PRKG1: variants seen among roughly 807,000 people sequenced by gnomAD.
The protein encoded by PRKG1 is protein kinase cGMP-dependent 1, also known as cGMP-dependent protein kinase 1.
In PRKG1, 35 loss-of-function variants were observed where a neutral mutation model predicts 88.1. That is an observed-to-expected ratio of 0.40 (90% CI 0.30 to 0.53). The LOEUF (loss-of-function observed/expected upper bound fraction) is 0.53. Ranked by LOEUF, PRKG1 falls within the 20% of genes least tolerant of loss-of-function variation. The pLI is 0.59. For missense variants in PRKG1, 540 were observed against 839.8 expected (o/e 0.64, Z 4.41); for synonymous variants, 303 against 292.5 (o/e 1.04, Z -0.37).
At chr10:51,942,415 T>C (rs1005342434) in intron 5 of PRKG1, among the ~76,000 whole-genome samples, 95 of 150,590 alleles carry the variant, frequency 6.3e-4, no homozygotes, top group African/African-American at 2.2e-3. Flanking sequence ...CTGTTCACTC[T>C]GATGGTAGTT....
In PRKG1 at chr10:51,365,229, C is replaced by T. The variant is rs534605621; in HGVS notation, c.479-102494C>T. On this transcript the variant is annotated intron_variant, in intron 2 of 17. Coordinates refer to ENST00000373980, the MANE Select transcript of PRKG1 (RefSeq NM_006258.4). ...TTGTCACTATCATCATCATCTTCTT[C>T]GTCTTGTTTTCACCACTCATCATCA... Among the ~76,000 whole-genome samples the T allele has an allele frequency of 3.9e-5, 6 of 151,962 alleles. No individual in the cohort carries two copies. In the South Asian group the frequency reaches 1.0e-3, roughly 26 times the overall value.
At chr10:52,006,611 C>T (rs1156739912) in intron 5 of PRKG1, among the ~76,000 whole-genome samples, 2 of 152,100 alleles carry the variant, frequency 1.3e-5, no homozygotes, top group African/African-American at 4.8e-5. Flanking sequence ...AACAAATCCT[C>T]CAAGAAATAT....
intron 7 of PRKG1, among the ~76,000 whole-genome samples, chr10:52,100,123 G>A (rs1050024151): frequency 1.3e-5 from 2 of 152,132 alleles, no homozygotes; most frequent in Non-Finnish European, 2.9e-5. Context: ...GTGAGGGGTA[G>A]GGATTCCTGT....
chr10:51,258,371 C>T (rs1036931286), intron 2 of PRKG1, among the ~76,000 whole-genome samples: 1 of 152,200 alleles, frequency 6.6e-6, no homozygotes, highest in African/African-American at 2.4e-5. Context: ...GAAGAGACAA[C>T]ATCCTAAATA....
rs1001773816 is a variant in PRKG1, at chr10:52,244,757, A to T, written c.1077-6813A>T. Among the ~76,000 whole-genome samples, 14 of 142,940 alleles carry T rather than the reference A, an allele frequency of 9.8e-5. No individual in the cohort carries two copies. In the East Asian group the frequency reaches 1.2e-3, roughly 12 times the overall value. 93.8% of individuals were successfully genotyped at this position (142,940 alleles called of 152,430 possible). ...TTTAATATATATTTAAATATATATT[A>T]AGATATATTTAAATATATACCTTAA... On this transcript the variant is annotated intron_variant, in intron 9 of 17. Coordinates refer to ENST00000373980, the MANE Select transcript of PRKG1 (RefSeq NM_006258.4).
At chr10:51,983,821 C>T (rs1361153998) in intron 5 of PRKG1, among the ~76,000 whole-genome samples, 1 of 152,204 alleles carries the variant, frequency 6.6e-6, no homozygotes, top group Non-Finnish European at 1.5e-5. Context: ...TTTGCCAGTT[C>T]AACTCACCCA....
chr10:52,074,338 G>C (rs1846579249), intron 7 of PRKG1, among the ~76,000 whole-genome samples: 1 of 152,100 alleles, frequency 6.6e-6, no homozygotes, highest in Admixed American at 6.5e-5. Context: ...TAGAAGATTG[G>C]AGAAACATCA....
chr10:51,771,034 A>G (rs1838291040), intron 3 of PRKG1, among the ~76,000 whole-genome samples: 1 of 152,190 alleles, frequency 6.6e-6, no homozygotes, highest in African/African-American at 2.4e-5. Context: ...CTTCTAAGAG[A>G]CAAACCTGTA....
intron 8 of PRKG1, among the ~76,000 whole-genome samples, chr10:52,153,839 G>A (rs192015875): frequency 7.8e-4 from 119 of 152,034 alleles, no homozygotes; most frequent in African/African-American, 2.7e-3. Context: ...TCCGCCTCCC[G>A]GGTTCAAGTG....
At chr10:51,834,982 C>T (rs976503816) in intron 4 of PRKG1, among the ~76,000 whole-genome samples, 6 of 152,072 alleles carry the variant, frequency 3.9e-5, no homozygotes, top group African/African-American at 1.4e-4. Context: ...AGGAGGCATT[C>T]ACTTCCCCTC....
intron 1 of PRKG1, among the ~76,000 whole-genome samples, chr10:51,082,588 T>G (rs1177062419): frequency 6.6e-6 from 1 of 152,094 alleles, no homozygotes; most frequent in Non-Finnish European, 1.5e-5. Flanking sequence ...AAGAGGAGTG[T>G]GTGTGTTTGT....
intron 9 of PRKG1, among the ~76,000 whole-genome samples, chr10:52,219,258 TAAAG>T (rs1235331622): frequency 1.3e-5 from 2 of 152,084 alleles, no homozygotes; most frequent in South Asian, 2.1e-4. Flanking sequence ...GAAAATAAAA[TAAAG>T]AAATTAGCTG....
Position 51,919,482 on chromosome 10 carries a change from G to A in PRKG1, c.762+11912G>A, listed in dbSNP as rs80220089. On this transcript the variant is annotated intron_variant, in intron 5 of 17. Coordinates refer to ENST00000373980, the MANE Select transcript of PRKG1 (RefSeq NM_006258.4). ...CCTAAAAATTATTATTTTAATAAAC[G>A]TAACATGATTTGTCTTGTAAATAGA... 1.7e-4 allele frequency among the ~76,000 whole-genome samples: 26 copies of A among 151,902 alleles called. No homozygotes were observed. In the East Asian group the frequency reaches 3.9e-3, roughly 23 times the overall value.
At chr10:51,005,269 A>T (rs1589102191) in intron 1 of PRKG1, among the ~76,000 whole-genome samples, 2 of 81,402 alleles carry the variant, frequency 2.5e-5, no homozygotes, top group Admixed American at 2.9e-4. Flanking sequence ...TGTGATAATT[A>T]AAAAAAAATA....
intron 4 of PRKG1, among the ~76,000 whole-genome samples, chr10:51,867,268 G>A (rs1404142559): frequency 2.6e-5 from 4 of 152,116 alleles, no homozygotes; most frequent in Admixed American, 1.3e-4. Flanking sequence ...GGGAAGTAGC[G>A]GAATAGTGCA....
At chr10:52,266,370 C>T (rs968689021) in intron 10 of PRKG1, among the ~76,000 whole-genome samples, 1 of 151,772 alleles carries the variant, frequency 6.6e-6, no homozygotes, top group African/African-American at 2.4e-5. Flanking sequence ...CTGCCAACAC[C>T]CCCAGCTCTC....
intron 7 of PRKG1, among the ~76,000 whole-genome samples, chr10:52,096,145 C>G (rs1228687063): frequency 1.3e-5 from 2 of 152,122 alleles, no homozygotes; most frequent in South Asian, 4.1e-4. Flanking sequence ...GTCACTGATA[C>G]GTTTTGTACT....
intron 2 of PRKG1, among the ~76,000 whole-genome samples, chr10:51,279,458 T>A (rs554117435): frequency 6.6e-6 from 1 of 152,300 alleles, no homozygotes; most frequent in Admixed American, 6.5e-5. Flanking sequence ...TGTGGATCTG[T>A]CTAATGTTGA....
At chr10:51,708,034 G>T (rs902673243) in intron 3 of PRKG1, among the ~76,000 whole-genome samples, 12 of 152,126 alleles carry the variant, frequency 7.9e-5, no homozygotes, top group Non-Finnish European at 1.2e-4. Context: ...ATGACATTTT[G>T]TTATCTCTCA....
Sources: gnomAD v4.1 joint callset for allele counts (sites outside exome capture counted in the v4.1 genomes callset) on GRCh38, gnomAD v4.1.1 for gene constraint, MANE v1.5 for transcripts, NCBI Gene and HGNC (gene_info 2026-07-23, HGNC 2026-07-21) for gene names.